The following EML4 variants were observed in gnomAD, a reference collection of about 807,000 sequenced individuals.
The protein encoded by EML4 is echinoderm microtubule-associated protein-like 4.
EML4 carries 72 observed loss-of-function variants against 129.0 expected under a neutral mutation model. The observed-to-expected ratio is 0.56, with a 90% CI of 0.46 to 0.68. EML4 has a LOEUF of 0.68. Ranked by LOEUF, EML4 falls within the 30% of genes least tolerant of loss-of-function variation. The pLI, the probability that EML4 is intolerant of heterozygous loss-of-function variation, is 0.00. For synonymous variants in EML4, 532 were observed against 405.0 expected, an observed-to-expected ratio of 1.31 and a Z score of -3.77; for missense variants, 1,363 against 1,190.6, an observed-to-expected ratio of 1.14 and a Z score of -2.13.
intron 1 of EML4, among the ~76,000 whole-genome samples, chr2:42,181,814 G>A (rs891420326): frequency 6.6e-6 from 1 of 151,980 alleles, no homozygotes; most frequent in Admixed American, 6.6e-5. Context: ...AGCCATTTTT[G>A]CCAAGGAGCC....
intron 5 of EML4, 103 bp from the exon 6 acceptor site, chr2:42,264,603 A>T (rs1665947943): frequency 1.4e-6 from 1 of 724,048 alleles, no homozygotes; most frequent in Non-Finnish European, 2.4e-6. Flanking sequence ...ATTTATCTAG[A>T]TTATAGCCTA....
Position 42,295,257 on chromosome 2 carries a change from G to T in EML4, c.1351G>T (p.Gly451Trp). 1 of 1,612,668 alleles carries T rather than the reference G, an allele frequency of 6.2e-7. No individual in the cohort carries two copies. The highest frequency in any genetic ancestry group is 1.1e-5 in the South Asian group (1 of 90,594). ...NSLTRKQGIF[G>W]KYEKPKFVQC... The stretch of plus-strand genomic sequence containing the variant: ...ACTAACAAGAAAACAGGGAATTTTT[G>T]GGGTAAGAATCAGATTGTTTTAATG... The change falls in exon 12 of 23, where the codon GGG becomes TGG. Residue 451 changes from glycine (G) to tryptophan (W), a missense_variant and splice_region_variant. Coordinates refer to ENST00000318522, the MANE Select transcript of EML4 (RefSeq NM_019063.5).
At chr2:42,322,108 G>C (rs1342356788) in intron 19 of EML4, among the ~76,000 whole-genome samples, 3 of 152,230 alleles carry the variant, frequency 2.0e-5, no homozygotes, top group Admixed American at 2.0e-4. Flanking sequence ...CAGATAGACT[G>C]ATGGAACAGA....
At chr2:42,321,454 C>G (rs1344648206) in intron 19 of EML4, among the ~76,000 whole-genome samples, 1 of 152,220 alleles carries the variant, frequency 6.6e-6, no homozygotes, top group South Asian at 2.1e-4. Context: ...AAGAGGCCAT[C>G]AAGAACTCGG....
At chr2:42,193,688 T>C (rs762570775) in intron 1 of EML4, among the ~76,000 whole-genome samples, 31 of 152,156 alleles carry the variant, frequency 2.0e-4, no homozygotes, top group Non-Finnish European at 4.1e-4. Context: ...TCTTTTTTTT[T>C]TTTCCTTTTC....
chr2:42,249,555 C>T (rs1383074572), intron 2 of EML4, among the ~76,000 whole-genome samples: 1 of 152,128 alleles, frequency 6.6e-6, no homozygotes, highest in Non-Finnish European at 1.5e-5. Context: ...CATAAGTTGT[C>T]ATCAGATATG....
chr2:42,294,372 A>G (rs182879233), intron 11 of EML4, among the ~76,000 whole-genome samples: 43 of 152,314 alleles, frequency 2.8e-4, no homozygotes, highest in African/African-American at 9.6e-4. Context: ...AGCCTGAAGG[A>G]CATATCTCTA....
At chr2:42,223,161 T>G (rs1261307455) in intron 1 of EML4, among the ~76,000 whole-genome samples, 1 of 152,144 alleles carries the variant, frequency 6.6e-6, no homozygotes, top group Non-Finnish European at 1.5e-5. Context: ...CATATTTCAT[T>G]CACTTGATCC....
At chr2:42,324,078 T>G (rs1378452945) in intron 19 of EML4, among the ~76,000 whole-genome samples, 1 of 152,032 alleles carries the variant, frequency 6.6e-6, no homozygotes, top group African/African-American at 2.4e-5. Context: ...GCATATCACT[T>G]GAGGCCAGGA....
intron 6 of EML4, among the ~76,000 whole-genome samples, chr2:42,270,228 A>G (rs1057067046): frequency 5.3e-5 from 8 of 152,158 alleles, no homozygotes; most frequent in Non-Finnish European, 1.0e-4. Flanking sequence ...TCCTGTCCCC[A>G]CAATACCTTC....
At chr2:42,195,921 C>T (rs1671872440) in intron 1 of EML4, among the ~76,000 whole-genome samples, 1 of 151,950 alleles carries the variant, frequency 6.6e-6, no homozygotes, top group South Asian at 2.1e-4. Context: ...CTTCATTAAC[C>T]AACTGTAGGA....
intron 6 of EML4, among the ~76,000 whole-genome samples, chr2:42,265,293 CGG>C (rs1038353766): frequency 2.0e-5 from 3 of 152,066 alleles, no homozygotes; most frequent in African/African-American, 7.2e-5. Flanking sequence ...TTAGTAGAGA[CGG>C]GGTTTCACCA....
At chr2:42,295,599 A>G (rs780212047) in intron 13 of EML4, 83 bp downstream of exon 13, 4 of 1,243,664 alleles carry the variant, frequency 3.2e-6, no homozygotes, top group South Asian at 3.2e-5. Flanking sequence ...CAGGAGAGAA[A>G]GAGCTGCAGT....
intron 7 of EML4, 84 bp downstream of exon 7, chr2:42,281,057 CT>C: frequency 9.0e-7 from 1 of 1,114,606 alleles, no homozygotes; most frequent in Non-Finnish European, 1.2e-6. Flanking sequence ...TCAAAATTGT[CT>C]TTATACAAAA....
intron 19 of EML4, among the ~76,000 whole-genome samples, chr2:42,324,560 A>T (rs933689366): frequency 2.6e-5 from 4 of 152,248 alleles, no homozygotes. Context: ...TCAAGGCTGC[A>T]GTGAGCCATG....
intron 1 of EML4, among the ~76,000 whole-genome samples, chr2:42,208,643 C>T (rs1175229950): frequency 1.3e-5 from 2 of 151,958 alleles, no homozygotes; most frequent in East Asian, 1.9e-4. Flanking sequence ...CCATCTTGGC[C>T]AGGCTGGTCT....
At chr2:42,297,835 C>G (rs1156957224) in intron 13 of EML4, among the ~76,000 whole-genome samples, 2 of 152,126 alleles carry the variant, frequency 1.3e-5, no homozygotes, top group African/African-American at 4.8e-5. Context: ...AATCCTTTTA[C>G]TTTTGTAATA....
intron 1 of EML4, among the ~76,000 whole-genome samples, chr2:42,229,745 G>T (rs1036726537): frequency 6.6e-6 from 1 of 152,026 alleles, no homozygotes; most frequent in Non-Finnish European, 1.5e-5. Context: ...AATAAATCTA[G>T]AGTCTTGGTT....
intron 1 of EML4, among the ~76,000 whole-genome samples, chr2:42,171,036 CT>C (rs1240846654): frequency 2.0e-5 from 3 of 152,162 alleles, no homozygotes; most frequent in Non-Finnish European, 4.4e-5. Flanking sequence ...TAGGAGGCAA[CT>C]GAGTGTTGTG....
Sources: gnomAD v4.1 joint callset for allele counts (sites outside exome capture counted in the v4.1 genomes callset) on GRCh38, gnomAD v4.1.1 for gene constraint, MANE v1.5 for transcripts, NCBI Gene and HGNC (gene_info 2026-07-23, HGNC 2026-07-21) for gene names.